The following CISD2 variants were observed in gnomAD, a reference collection of about 807,000 sequenced individuals.
The protein encoded by CISD2 is CDGSH iron-sulfur domain-containing protein 2.
In CISD2, 1 loss-of-function variant was observed where a neutral mutation model predicts 12.9. The observed-to-expected ratio is 0.08, with a 90% CI of 0.03 to 0.37. The LOEUF (loss-of-function observed/expected upper bound fraction) is 0.37, where lower values mean the gene tolerates loss of function less well. CISD2 is among the 10% of genes least tolerant of loss of function. The pLI, the probability that CISD2 is intolerant of heterozygous loss-of-function variation, is 0.99. For missense variants in CISD2, 97 were observed against 163.1 expected (o/e 0.59, Z 2.21); for synonymous variants, 50 against 60.6 (o/e 0.83, Z 0.81).
intron 1 of CISD2, among the ~76,000 whole-genome samples, chr4:102,883,197 C>T (rs766860156): frequency 2.0e-5 from 3 of 152,178 alleles, no homozygotes; most frequent in Non-Finnish European, 2.9e-5. Flanking sequence ...CAATCCAAAG[C>T]CCATGCCCCC....
At chr4:102,878,710 T>C (rs1213261676) in intron 1 of CISD2, among the ~76,000 whole-genome samples, 1 of 152,116 alleles carries the variant, frequency 6.6e-6, no homozygotes, top group Non-Finnish European at 1.5e-5. Flanking sequence ...ATTCAATAAG[T>C]CTCTAGGAAG....
At chr4:102,885,890 C>G (rs1203152841) in intron 2 of CISD2, among the ~76,000 whole-genome samples, 1 of 152,076 alleles carries the variant, frequency 6.6e-6, no homozygotes, top group Admixed American at 6.5e-5. Flanking sequence ...ATGTAAACTG[C>G]TTTAATAATA....
chr4:102,880,990 CA>C (rs539473255), intron 1 of CISD2, among the ~76,000 whole-genome samples: 3,736 of 98,878 alleles, frequency 0.038, 110 homozygotes, highest in African/African-American at 0.12. Flanking sequence ...GACGCTGTCT[CA>C]AAAAAAAAAA....
intron 1 of CISD2, among the ~76,000 whole-genome samples, chr4:102,884,548 A>G (rs544294601): frequency 1.3e-5 from 2 of 152,362 alleles, no homozygotes; most frequent in East Asian, 3.9e-4. Flanking sequence ...CCACATGCAT[A>G]GGGACTGTTT....
At chr4:102,886,609 A>G (rs997955535) in intron 2 of CISD2, among the ~76,000 whole-genome samples, 3 of 152,038 alleles carry the variant, frequency 2.0e-5, no homozygotes, top group Non-Finnish European at 2.9e-5. Context: ...ATTTATTTTT[A>G]TTTATTCTTT....
chr4:102,870,272 G>A (rs1733399062), intron 1 of CISD2, among the ~76,000 whole-genome samples: 1 of 152,182 alleles, frequency 6.6e-6, no homozygotes, highest in Non-Finnish European at 1.5e-5. Context: ...CCAAATTAGT[G>A]AAGGTTATTG....
intron 1 of CISD2, among the ~76,000 whole-genome samples, chr4:102,876,461 C>G (rs956952935): frequency 1.3e-5 from 2 of 152,094 alleles, no homozygotes; most frequent in Non-Finnish European, 2.9e-5. Context: ...AAGGTAACTA[C>G]TCAAGAGGCC....
At chr4:102,876,922 G>C (rs1733606930) in intron 1 of CISD2, among the ~76,000 whole-genome samples, 1 of 152,002 alleles carries the variant, frequency 6.6e-6, no homozygotes, top group Admixed American at 6.6e-5. Context: ...GGAGTGAAAG[G>C]GCAAGAGCCC....
At chr4:102,872,170 G>A (rs1733470785) in intron 1 of CISD2, among the ~76,000 whole-genome samples, 1 of 152,180 alleles carries the variant, frequency 6.6e-6, no homozygotes, top group Admixed American at 6.5e-5. Context: ...CTGGGTTCAA[G>A]CGATGCTTAT....
At chr4:102,876,150 T>C (rs1733586793) in intron 1 of CISD2, among the ~76,000 whole-genome samples, 1 of 152,200 alleles carries the variant, frequency 6.6e-6, no homozygotes, top group South Asian at 2.1e-4. Context: ...GGACCTTATC[T>C]ATTAGCCTGT....
chr4:102,871,695 G>A (rs889602752), intron 1 of CISD2, among the ~76,000 whole-genome samples: 10 of 152,118 alleles, frequency 6.6e-5, no homozygotes, highest in Non-Finnish European at 1.5e-5. Flanking sequence ...TGAGTTACTT[G>A]TAGAATCCAT....
intron 1 of CISD2, among the ~76,000 whole-genome samples, chr4:102,873,728 C>CAAAA (rs35907341): frequency 2.6e-5 from 2 of 78,424 alleles, no homozygotes; most frequent in Non-Finnish European, 5.0e-5. Context: ...GAAACCGTCT[C>CAAAA]AAAAAAAAAA....
chr4:102,877,821 A>G (rs987536189), intron 1 of CISD2, among the ~76,000 whole-genome samples: 1 of 152,228 alleles, frequency 6.6e-6, no homozygotes, highest in Non-Finnish European at 1.5e-5. Context: ...GAAGCCACCA[A>G]GGCTTGTGGC....
At chr4:102,876,800 G>T (rs1560902789) in intron 1 of CISD2, among the ~76,000 whole-genome samples, 1 of 152,070 alleles carries the variant, frequency 6.6e-6, no homozygotes, top group Non-Finnish European at 1.5e-5. Context: ...AAGGAAAGAG[G>T]TTTAGTTGAC....
At chr4:102,883,735 G>A (rs1024899420) in intron 1 of CISD2, among the ~76,000 whole-genome samples, 30 of 152,224 alleles carry the variant, frequency 2.0e-4, no homozygotes, top group African/African-American at 7.0e-4. Context: ...CAGCATGGCA[G>A]ACAAAGTTCA....
At position 102,869,335 on chromosome 4, in the gene CISD2, C is replaced by T. The variant is rs550963301; in HGVS notation, c.103+148C>T. On this transcript the variant is annotated intron_variant, in intron 1 of 2. Transcript: ENST00000273986. ...GCAGAGGAAGGTGGGCGCGCGCCGA[C>T]GCAGCTGCCTGGGGAACGCCTGTGA... The T allele has an allele frequency of 2.4e-4, 257 of 1,070,786 alleles. No individual in the cohort carries two copies. In the African/African-American group the frequency reaches 3.7e-3, roughly 15 times the overall value. 66.3% of individuals were successfully genotyped at this position (1,070,786 alleles called of 1,614,324 possible).
chr4:102,883,965 G>T (rs1733791969), intron 1 of CISD2, among the ~76,000 whole-genome samples: 1 of 152,034 alleles, frequency 6.6e-6, no homozygotes, highest in Non-Finnish European at 1.5e-5. Flanking sequence ...AGATAAATAG[G>T]TTTTTTCATT....
chr4:102,870,258 T>G (rs1733398553), intron 1 of CISD2, among the ~76,000 whole-genome samples: 1 of 152,164 alleles, frequency 6.6e-6, no homozygotes. Context: ...TGATAACAAA[T>G]TAACCAAATT....
intron 1 of CISD2, among the ~76,000 whole-genome samples, chr4:102,873,249 A>G (rs1733507110): frequency 6.6e-6 from 1 of 151,812 alleles, no homozygotes; most frequent in African/African-American, 2.4e-5. Flanking sequence ...TTGCTTTGAA[A>G]TTTTCTTTTC....
Sources: allele counts gnomAD v4.1 joint callset (sites outside exome capture counted in the v4.1 genomes callset), GRCh38; gene constraint gnomAD v4.1.1; transcripts MANE v1.5; gene names NCBI Gene and HGNC (gene_info 2026-07-23, HGNC 2026-07-21).